The following RBFOX1 variants were observed in gnomAD, a reference collection of about 807,000 sequenced individuals.
RBFOX1 encodes RNA binding fox-1 homolog 1, also known as RNA binding protein fox-1 homolog 1.
RBFOX1 carries 8 observed loss-of-function variants against 57.7 expected under a neutral mutation model. The observed-to-expected ratio is 0.14, with a 90% CI of 0.08 to 0.25. RBFOX1 has a LOEUF of 0.25. Ranked by LOEUF, RBFOX1 falls within the 10% of genes least tolerant of loss-of-function variation. RBFOX1 has a pLI of 1.00. For synonymous variants in RBFOX1, 326 were observed against 222.4 expected (o/e 1.47, Z -4.15); for missense variants, 611 against 548.5 (o/e 1.11, Z -1.14).
chr16:6,377,258 A>C (rs1219061019), intron 2 of RBFOX1, among the ~76,000 whole-genome samples: 1 of 144,518 alleles, frequency 6.9e-6, no homozygotes, highest in African/African-American at 2.7e-5. Flanking sequence ...TGAGTGACAG[A>C]GTGAGACCCT....
chr16:5,727,001 G>C (rs2052177027), intron 3 of RBFOX1, among the ~76,000 whole-genome samples: 1 of 152,204 alleles, frequency 6.6e-6, no homozygotes, highest in South Asian at 2.1e-4. Flanking sequence ...GCTCATGCCT[G>C]TAATCCCAGC....
intron 2 of RBFOX1, among the ~76,000 whole-genome samples, chr16:5,559,526 C>T (rs750474815): frequency 3.3e-5 from 5 of 152,186 alleles, no homozygotes; most frequent in East Asian, 1.9e-4. Context: ...CTGTCAGGAT[C>T]GGGCCTTGGC....
chr16:7,568,631 A>G (rs1243034718), intron 5 of RBFOX1, among the ~76,000 whole-genome samples: 1 of 152,080 alleles, frequency 6.6e-6, no homozygotes, highest in African/African-American at 2.4e-5. Context: ...CATGCCTGTA[A>G]TCCCAGCACT....
chr16:7,136,354 T>C (rs1337617138), intron 4 of RBFOX1, among the ~76,000 whole-genome samples: 1 of 151,808 alleles, frequency 6.6e-6, no homozygotes, highest in African/African-American at 2.4e-5. Context: ...GTAGCTGTCA[T>C]ATTGGAGCCA....
intron 1 of RBFOX1, among the ~76,000 whole-genome samples, chr16:5,402,531 A>C (rs1042690960): frequency 6.6e-6 from 1 of 152,232 alleles, no homozygotes; most frequent in Non-Finnish European, 1.5e-5. Flanking sequence ...TCCTTTTGTT[A>C]TAACACATTT....
At chr16:6,846,200 G>T (rs1442485587) in intron 3 of RBFOX1, among the ~76,000 whole-genome samples, 2 of 152,192 alleles carry the variant, frequency 1.3e-5, no homozygotes, top group African/African-American at 4.8e-5. Context: ...GAAGACTGAG[G>T]ACTTGGGAAG....
intron 3 of RBFOX1, among the ~76,000 whole-genome samples, chr16:6,774,216 C>G (rs987180099): frequency 2.0e-5 from 3 of 152,098 alleles, no homozygotes; most frequent in African/African-American, 7.2e-5. Context: ...GTTTCTCTGT[C>G]TGTTTGGTTT....
intron 4 of RBFOX1, among the ~76,000 whole-genome samples, chr16:7,298,275 GTTTTTTTTTGTTT>G (rs2095943899): frequency 1.7e-5 from 2 of 117,562 alleles, no homozygotes; most frequent in African/African-American, 3.4e-5. Context: ...TTGTGTATAG[GTTTTTTTTTGTTT>G]TTTTTTTTTT....
chr16:7,185,962 C>G (rs1175692878), intron 4 of RBFOX1, among the ~76,000 whole-genome samples: 3 of 152,168 alleles, frequency 2.0e-5, no homozygotes, highest in African/African-American at 4.8e-5. Flanking sequence ...TGAAGTATGT[C>G]TCAGCCATTA....
chr16:5,648,518 C>G (rs763530240), intron 3 of RBFOX1, among the ~76,000 whole-genome samples: 113 of 152,186 alleles, frequency 7.4e-4, no homozygotes, highest in Non-Finnish European at 1.4e-3. Flanking sequence ...CTTAGTACAA[C>G]TTGCGGGGAG....
chr16:6,291,274 C>T (rs1389429125), intron 1 of RBFOX1, among the ~76,000 whole-genome samples: 1 of 152,166 alleles, frequency 6.6e-6, no homozygotes, highest in East Asian at 1.9e-4. Flanking sequence ...CAGTAGGTCT[C>T]AGCCTCATTT....
At chr16:7,286,409 C>A (rs1016546689) in intron 4 of RBFOX1, among the ~76,000 whole-genome samples, 2 of 150,830 alleles carry the variant, frequency 1.3e-5, no homozygotes, top group African/African-American at 4.9e-5. Context: ...TCAAAAGTGT[C>A]AGAGTGGGAA....
intron 2 of RBFOX1, among the ~76,000 whole-genome samples, chr16:5,486,011 T>C (rs964265073): frequency 6.6e-6 from 1 of 152,182 alleles, no homozygotes; most frequent in Non-Finnish European, 1.5e-5. Flanking sequence ...CAGAATTCGG[T>C]ATGAGCTCGC....
At chr16:7,492,540 A>G (rs2067263199) in intron 4 of RBFOX1, among the ~76,000 whole-genome samples, 1 of 152,162 alleles carries the variant, frequency 6.6e-6, no homozygotes, top group Admixed American at 6.5e-5. Flanking sequence ...ACGACACTAA[A>G]TAAAATTAAA....
intron 3 of RBFOX1, among the ~76,000 whole-genome samples, chr16:6,797,179 G>T (rs11645490): frequency 1.3e-5 from 2 of 152,122 alleles, no homozygotes; most frequent in Non-Finnish European, 2.9e-5. Flanking sequence ...TGTTAGCAAG[G>T]ATCAGTCTGA....
intron 2 of RBFOX1, among the ~76,000 whole-genome samples, chr16:6,443,199 G>T (rs958846599): frequency 6.6e-6 from 1 of 152,026 alleles, no homozygotes; most frequent in Non-Finnish European, 1.5e-5. Flanking sequence ...ATTCCTTTCC[G>T]GCTGAATCTT....
chr16:5,860,403 A>G (rs986796038), intron 3 of RBFOX1, among the ~76,000 whole-genome samples: 5 of 152,134 alleles, frequency 3.3e-5, no homozygotes, highest in Admixed American at 3.3e-4. Context: ...CAATAGGACT[A>G]TAAGGTTTTC....
chr16:6,585,489 C>G (rs1364207293), intron 2 of RBFOX1, among the ~76,000 whole-genome samples: 1 of 152,186 alleles, frequency 6.6e-6, no homozygotes, highest in Non-Finnish European at 1.5e-5. Flanking sequence ...ATTCAAAAGA[C>G]ATGTTTCAAG....
intron 5 of RBFOX1, among the ~76,000 whole-genome samples, chr16:7,523,169 C>T (rs1386749226): frequency 1.3e-5 from 2 of 152,216 alleles, no homozygotes; most frequent in East Asian, 1.9e-4. Context: ...GTGGTTGTAG[C>T]TCCTTCCTTT....
Sources: allele counts gnomAD v4.1 joint callset (sites outside exome capture counted in the v4.1 genomes callset), GRCh38; gene constraint gnomAD v4.1.1; transcripts MANE v1.5; gene names NCBI Gene and HGNC (gene_info 2026-07-23, HGNC 2026-07-21).